BCL11A: variants seen among roughly 807,000 people sequenced by gnomAD.
BCL11A encodes the protein BCL11 transcription factor A.
Under a neutral mutation model 55.9 loss-of-function variants are expected in BCL11A, and 2 were observed. The observed-to-expected ratio is 0.04, with a 90% CI of 0.01 to 0.11. BCL11A has a LOEUF of 0.11. Ranked by LOEUF, BCL11A falls within the 10% of genes least tolerant of loss-of-function variation. BCL11A has a pLI of 1.00. For missense variants in BCL11A, 817 were observed against 1,137.1 expected (o/e 0.72, Z 4.05); for synonymous variants, 465 against 473.4 (o/e 0.98, Z 0.23).
rs1052675425 is a variant in BCL11A, at chr2:60,459,535, T to A, written c.*869A>T. The A allele has an allele frequency of 1.1e-5, 11 of 1,023,892 alleles. No homozygotes were observed. In the African/African-American group the frequency reaches 1.9e-4, roughly 17 times the overall value. 63.4% of individuals were successfully genotyped at this position (1,023,892 alleles called of 1,614,324 possible). ...TTAACTAGGACATAATGGGTCATCTTTTTAGGTAGCCATTGTTGTGAGAAA... is the reference window on the plus strand; with the variant it reads ...TTAACTAGGACATAATGGGTCATCTATTTAGGTAGCCATTGTTGTGAGAAA... On this transcript the variant is annotated 3_prime_UTR_variant, in exon 4 of 4. Coordinates refer to ENST00000642384, the MANE Select transcript of BCL11A (RefSeq NM_022893.4).
intron 3 of BCL11A, 140 bp downstream of exon 3, chr2:60,468,592 G>A: frequency 1.7e-6 from 1 of 586,956 alleles, no homozygotes; most frequent in South Asian, 1.9e-5. Context: ...GGGAGCGGCT[G>A]CCAAGTGAGT....
At chr2:60,550,013 G>A (rs371108101) in intron 1 of BCL11A, 3 of 152,242 alleles carry the variant, frequency 2.0e-5, no homozygotes, top group Non-Finnish European at 4.4e-5. Context: ...CGAGGCGAGA[G>A]GGGGGGTGTC....
At chr2:60,451,512 G>GCATTGC (rs1572937595) in exon 5 of BCL11A, 1 of 231,536 alleles carries the variant, frequency 4.3e-6, no homozygotes, top group East Asian at 6.1e-5. Context: ...AAGGAATAGA[G>GCATTGC]CATTGCTGTG....
Position 60,459,923 on chromosome 2 carries a change from G to C in BCL11A, c.*481C>G, listed in dbSNP as rs1676139805. The C allele has an allele frequency of 9.4e-7, 1 of 1,060,352 alleles. No individual in the cohort carries two copies. The highest frequency in any genetic ancestry group is 1.1e-6 in the Non-Finnish European group (1 of 876,282). The allele number at this position is 1,060,352 out of a possible 1,614,324, so 65.7% of individuals were successfully genotyped here. The stretch of plus-strand genomic sequence containing the variant: ...TGATATGTATTACAGAATGTATGCA[G>C]CATGGTCTTTTTCTCTCTCTCTCTC... On this transcript the variant is annotated 3_prime_UTR_variant, in exon 4 of 4. Transcript: ENST00000642384.
At chr2:60,487,548 G>GA (rs1678352321) in intron 2 of BCL11A, among the ~76,000 whole-genome samples, 1 of 152,066 alleles carries the variant, frequency 6.6e-6, no homozygotes, top group East Asian at 1.9e-4. Flanking sequence ...CAGATTAAGG[G>GA]AAAACTAAAT....
chr2:60,501,899 C>A (rs933528204), intron 2 of BCL11A, among the ~76,000 whole-genome samples: 11 of 152,090 alleles, frequency 7.2e-5, no homozygotes, highest in African/African-American at 2.4e-4. Flanking sequence ...GTTATATCAG[C>A]CCCTCTGCCT....
intron 2 of BCL11A, chr2:60,484,084 A>C (rs940479379): frequency 2.0e-5 from 3 of 152,192 alleles, no homozygotes; most frequent in African/African-American, 7.2e-5. Flanking sequence ...ATTTTCTGCA[A>C]ATGCAGGTCA....
At chr2:60,469,567 A>C (rs943038406) in intron 2 of BCL11A, among the ~76,000 whole-genome samples, 3 of 152,250 alleles carry the variant, frequency 2.0e-5, no homozygotes, top group African/African-American at 7.2e-5. Flanking sequence ...CCAGCATTCC[A>C]ATAATGCCAG....
rs1265795309 is a variant in BCL11A, at chr2:60,508,824, C to T, written c.385+37147G>A. 3 of 152,422 alleles carry T rather than the reference C, an allele frequency of 2.0e-5. No homozygotes were observed. In the East Asian group the frequency reaches 5.8e-4, roughly 29 times the overall value. 9.4% of individuals were successfully genotyped at this position (152,422 alleles called of 1,614,324 possible). On this transcript the variant is annotated intron_variant, in intron 2 of 3. Transcript: ENST00000642384. ...CTTCTCTGAGCTCCCCCTTGGGTTA[C>T]CTATGATTCCAGAAGAGTTTGTTCT... is the stretch of plus-strand genomic sequence containing the variant.
intron 2 of BCL11A, among the ~76,000 whole-genome samples, chr2:60,506,675 C>T (rs557769054): frequency 2.0e-5 from 3 of 152,208 alleles, no homozygotes; most frequent in Admixed American, 1.3e-4. Context: ...TCCTAAATGG[C>T]GAAGGCAGCA....
chr2:60,468,609 A>G, intron 3 of BCL11A, 123 bp downstream of exon 3: 1 of 696,634 alleles, frequency 1.4e-6, no homozygotes, highest in East Asian at 2.9e-5. Context: ...GAGTAATGGA[A>G]TAATACATAT....
chr2:60,469,363 A>G (rs1467910038), intron 2 of BCL11A, among the ~76,000 whole-genome samples: 1 of 152,140 alleles, frequency 6.6e-6, no homozygotes, highest in Non-Finnish European at 1.5e-5. Flanking sequence ...CCCTCTTCCC[A>G]TGCTATATTT....
intron 2 of BCL11A, among the ~76,000 whole-genome samples, chr2:60,473,127 CAT>C (rs1677305390): frequency 2.0e-5 from 3 of 151,744 alleles, no homozygotes; most frequent in South Asian, 4.2e-4. Flanking sequence ...TGTGCATGCA[CAT>C]GTGTGTTAGC....
intron 2 of BCL11A, among the ~76,000 whole-genome samples, chr2:60,493,925 G>T (rs957025634): frequency 6.6e-6 from 1 of 152,204 alleles, no homozygotes; most frequent in African/African-American, 2.4e-5. Context: ...GACCCCTGGG[G>T]GAGACAGGGC....
At chr2:60,490,527 T>C (rs1678566371) in intron 2 of BCL11A, among the ~76,000 whole-genome samples, 1 of 152,226 alleles carries the variant, frequency 6.6e-6, no homozygotes, top group South Asian at 2.1e-4. Context: ...ATCCTGCTCA[T>C]ACTTCAAGGC....
At chr2:60,496,987 G>A (rs150874376) in intron 2 of BCL11A, among the ~76,000 whole-genome samples, 7 of 152,306 alleles carry the variant, frequency 4.6e-5, no homozygotes, top group Non-Finnish European at 7.3e-5. Context: ...ATTACTTCAC[G>A]ATAAATCTGG....
chr2:60,460,815 G>C lies in BCL11A; in HGVS notation c.2097C>G (p.Phe699Leu). 1 of 1,612,854 alleles carries C rather than the reference G, an allele frequency of 6.2e-7. No individual in the cohort carries two copies. Among genetic ancestry groups the C allele is most frequent in the Non-Finnish European group, 8.5e-7 (1 of 1,180,028 alleles). ...EHSSENGSLRFSTPPGELDGG... is the reference protein window; with the variant it reads ...EHSSENGSLRLSTPPGELDGG... ...CGTCCAGCTCCCCGGGCGGTGTGGA[G>C]AAGCGCAAACTCCCGTTCTCCGAGG... Residue 699 changes from phenylalanine to leucine, a missense_variant, in exon 4 of 4, where the codon TTC becomes TTG. Physicochemically the swap from Phe to Leu is conservative, Grantham distance 22 (BLOSUM62 0). This residue lies in a region of BCL11A where 379 missense variants were observed against 425.3 expected (regional missense o/e 0.89). Transcript: ENST00000642384.
intron 2 of BCL11A, among the ~76,000 whole-genome samples, chr2:60,513,726 A>T (rs1233716325): frequency 1.3e-5 from 2 of 152,140 alleles, no homozygotes; most frequent in East Asian, 3.8e-4. Flanking sequence ...CTCCCATCAC[A>T]CCACTCTCTG....
intron 2 of BCL11A, among the ~76,000 whole-genome samples, chr2:60,521,223 T>C (rs1558472047): frequency 6.6e-6 from 1 of 152,218 alleles, no homozygotes. Flanking sequence ...TTTAATTTAA[T>C]CTGCTGTAAA....
Sources: allele counts gnomAD v4.1 joint callset (sites outside exome capture counted in the v4.1 genomes callset), GRCh38; gene constraint gnomAD v4.1.1; regional missense constraint gnomAD v4.1.1; transcripts MANE v1.5; gene names NCBI Gene and HGNC (gene_info 2026-07-23, HGNC 2026-07-21).